The following SDK2 variants were observed in gnomAD, a reference collection of about 807,000 sequenced individuals.
The protein encoded by SDK2 is protein sidekick-2.
SDK2 carries 105 observed loss-of-function variants against 253.9 expected under a neutral mutation model. That is an observed-to-expected ratio of 0.41 (90% CI 0.35 to 0.49). The LOEUF (loss-of-function observed/expected upper bound fraction) is 0.49, where lower values mean the gene tolerates loss of function less well. Ranked by LOEUF, SDK2 falls within the 20% of genes least tolerant of loss-of-function variation. The pLI is 0.06. For synonymous variants in SDK2, 1,249 were observed against 1,234.9 expected, an observed-to-expected ratio of 1.01 and a Z score of -0.24; for missense variants, 2,608 against 3,003.0, an observed-to-expected ratio of 0.87 and a Z score of 3.07.
intron 1 of SDK2, among the ~76,000 whole-genome samples, chr17:73,561,886 G>A (rs2045240318): frequency 1.3e-5 from 2 of 152,234 alleles, no homozygotes; most frequent in Non-Finnish European, 1.5e-5. Flanking sequence ...AGCACTTTGG[G>A]GGGCTGAGGC....
intron 36 of SDK2, among the ~76,000 whole-genome samples, chr17:73,372,978 T>C (rs2062749114): frequency 1.3e-5 from 2 of 152,212 alleles, no homozygotes; most frequent in Non-Finnish European, 2.9e-5. Flanking sequence ...CTAGATCGTA[T>C]TCAGCCTGCT....
chr17:73,433,698 C>T lies in SDK2; in HGVS notation c.1312+34G>A, dbSNP rs199937330. 4.2e-5 allele frequency: 63 copies of T among 1,491,166 alleles called. No homozygotes were observed. In the East Asian group the frequency reaches 1.4e-3, roughly 34 times the overall value. The allele number at this position is 1,491,166 out of a possible 1,614,324, so 92.4% of individuals were successfully genotyped here. ...TCTGAAGACTCTTCTAGGCTATCAC[C>T]CAGCCACACTCTCTGAAGGTGTGTT... On this transcript the variant is annotated intron_variant, in intron 10 of 44. Coordinates refer to ENST00000392650, the MANE Select transcript of SDK2 (RefSeq NM_001144952.2).
At chr17:73,628,769 T>G (rs2046233772) in intron 1 of SDK2, among the ~76,000 whole-genome samples, 1 of 152,194 alleles carries the variant, frequency 6.6e-6, no homozygotes, top group African/African-American at 2.4e-5. Context: ...ATATTCAAAC[T>G]CACCACACTT....
rs116495847 is a variant in SDK2 at position 73,617,595 on chromosome 17, C to T, written c.64+26430G>A. 3.1e-3 allele frequency among the ~76,000 whole-genome samples: 468 copies of T among 152,190 alleles called. 2 individuals carry two copies. Among genetic ancestry groups the T allele is most frequent in the African/African-American group, 0.011 (450 of 41,522 alleles). ...AGTCGACAGGCTCCAGGGGAGCTTA[C>T]GAAGGGGGCGTCCCAGCTATTTGCG... On this transcript the variant is annotated intron_variant, in intron 1 of 44. Transcript: ENST00000392650.
Position 73,643,329 on chromosome 17 carries a change from G to T in SDK2, c.64+696C>A, listed in dbSNP as rs1245707559. 6.6e-6 allele frequency among the ~76,000 whole-genome samples: 1 copy of T among 152,196 alleles called. No homozygotes were observed. Among genetic ancestry groups the T allele is most frequent in the African/African-American group, 2.4e-5 (1 of 41,460 alleles). ...AGCGAACAGCGGAGGCTGGAGGCAG[G>T]GGCGGGGATGCTGGGTGTGGGTGGA... On this transcript the variant is annotated intron_variant, in intron 1 of 44. Coordinates refer to ENST00000392650, the MANE Select transcript of SDK2 (RefSeq NM_001144952.2). The surrounding 1 kb of genome is among the most constrained non-coding windows in gnomAD (Gnocchi z 6.9).
chr17:73,466,715 G>GTCCC, intron 3 of SDK2, among the ~76,000 whole-genome samples: 1 of 107,070 alleles, frequency 9.3e-6, no homozygotes, highest in South Asian at 2.9e-4. Flanking sequence ...TCTGGGGAAC[G>GTCCC]CCCCCCCCCC....
At chr17:73,375,112 T>C (rs948268321) in intron 36 of SDK2, among the ~76,000 whole-genome samples, 2 of 152,124 alleles carry the variant, frequency 1.3e-5, no homozygotes. Flanking sequence ...CAAGTACCTG[T>C]CTACCCTGAG....
At chr17:73,579,440 C>T (rs80098371) in intron 1 of SDK2, among the ~76,000 whole-genome samples, 2,106 of 152,236 alleles carry the variant, frequency 0.014, 62 homozygotes, top group African/African-American at 0.049. Flanking sequence ...TCAGGCTTCT[C>T]GCACGGTGCT....
intron 36 of SDK2, among the ~76,000 whole-genome samples, chr17:73,374,715 G>C (rs766152082): frequency 6.6e-6 from 1 of 151,708 alleles, no homozygotes; most frequent in Non-Finnish European, 1.5e-5. Context: ...TGATCTGCCC[G>C]CCTTGGGCTC....
At chr17:73,537,919 T>C (rs2145815755) in intron 1 of SDK2, among the ~76,000 whole-genome samples, 1 of 152,148 alleles carries the variant, frequency 6.6e-6, no homozygotes, top group Non-Finnish European at 1.5e-5. Context: ...CCCCAAAGGC[T>C]GAAAGAAAAG....
intron 36 of SDK2, chr17:73,369,223 G>A (rs569267764): frequency 1.5e-5 from 7 of 467,550 alleles, no homozygotes; most frequent in African/African-American, 1.2e-4. Flanking sequence ...TCCGTCCTAC[G>A]GGAGGCTGAG....
At chr17:73,525,153 G>A (rs558121614) in intron 1 of SDK2, among the ~76,000 whole-genome samples, 71 of 152,326 alleles carry the variant, frequency 4.7e-4, no homozygotes, top group Non-Finnish European at 7.6e-4. Flanking sequence ...TGGCCTTTGA[G>A]GCAAGAAGCC....
Position 73,352,410 on chromosome 17 carries a change from C to T in SDK2, c.5758+63G>A, listed in dbSNP as rs2062546526. ...GGTGCCTCTCCTCCTTCCGCCCTGC[C>T]CAGTGTCAGCCCCCAGGCTCTGCTG... On this transcript the variant is annotated intron_variant, in intron 41 of 44. Transcript: ENST00000392650. The surrounding 1 kb of genome is among the most constrained non-coding windows in gnomAD (Gnocchi z 4.1). 3.9e-6 allele frequency: 6 copies of T among 1,556,668 alleles called. No homozygotes were observed. The highest frequency in any genetic ancestry group is 2.7e-5 in the African/African-American group (2 of 73,982).
intron 4 of SDK2, among the ~76,000 whole-genome samples, chr17:73,450,970 T>G (rs1420211054): frequency 1.3e-5 from 2 of 152,216 alleles, no homozygotes; most frequent in Admixed American, 6.5e-5. Context: ...AGGCTTCCCT[T>G]GTGTCATGGA....
chr17:73,511,481 A>G lies in SDK2; in HGVS notation c.65-3884T>C, dbSNP rs1032036233. Among the ~76,000 whole-genome samples, 2 of 152,240 alleles carry G rather than the reference A, an allele frequency of 1.3e-5. No homozygotes were observed. The highest frequency in any genetic ancestry group is 2.9e-5 in the Non-Finnish European group (2 of 68,040). On this transcript the variant is annotated intron_variant, in intron 1 of 44. Coordinates refer to ENST00000392650, the MANE Select transcript of SDK2 (RefSeq NM_001144952.2). This position sits in a 1 kb window ranked among gnomAD's most constrained non-coding sequence, Gnocchi z 4.9. ...CCTCCCGGGGGTGCCAGCCTGCAGC[A>G]GAATGACTTTTGCTTGGATGGGTTG... is the stretch of plus-strand genomic sequence containing the variant.
At chr17:73,564,111 C>G (rs1417438540) in intron 1 of SDK2, among the ~76,000 whole-genome samples, 1 of 152,190 alleles carries the variant, frequency 6.6e-6, no homozygotes, top group East Asian at 1.9e-4. Flanking sequence ...TTGTATTCAC[C>G]TTGCTTTACG....
intron 20 of SDK2, 140 bp downstream of exon 20, chr17:73,401,514 C>A (rs989046402): frequency 2.5e-6 from 2 of 808,228 alleles, no homozygotes; most frequent in Admixed American, 2.0e-5. Context: ...TGCCAAGAGC[C>A]TCCTGTGAGT....
intron 1 of SDK2, among the ~76,000 whole-genome samples, chr17:73,514,083 T>C (rs936935982): frequency 7.9e-5 from 12 of 152,208 alleles, no homozygotes; most frequent in East Asian, 1.9e-4. Context: ...GATATATGTA[T>C]ACATGTGCAT....
rs2062917202 is a variant in SDK2, at chr17:73,390,356, T to G, written c.4123A>C (p.Ile1375Leu). 5 of 1,611,446 alleles carry G rather than the reference T, an allele frequency of 3.1e-6. No homozygotes were observed. Among genetic ancestry groups the G allele is most frequent in the Non-Finnish European group, 4.2e-6 (5 of 1,179,652 alleles). Residue 1375 changes from isoleucine (I) to leucine (L), a missense_variant, in exon 29 of 45, where the codon ATC (isoleucine) becomes CTC (leucine). Ile to Leu is a conservative substitution (Grantham distance 5, BLOSUM62 2). This residue lies in a region of SDK2 where 1,103 missense variants were observed against 1,143.9 expected (regional missense o/e 0.96). Coordinates refer to ENST00000392650, the MANE Select transcript of SDK2 (RefSeq NM_001144952.2). ...LKPESVYLFR[I>L]TAQTRKGWGE... The stretch of plus-strand genomic sequence containing the variant: ...CAGCCCTTGCGGGTCTGGGCCGTGA[T>G]GCGGAACAGGTAGACAGACTCTGGC...
Sources: allele counts gnomAD v4.1 joint callset (sites outside exome capture counted in the v4.1 genomes callset), GRCh38; gene constraint gnomAD v4.1.1; regional missense constraint gnomAD v4.1.1; non-coding constraint Gnocchi (gnomAD v3.1); transcripts MANE v1.5; gene names NCBI Gene and HGNC (gene_info 2026-07-23, HGNC 2026-07-21).